The following ABLIM2 variants were observed in gnomAD, a reference collection of about 807,000 sequenced individuals.
ABLIM2 encodes actin-binding LIM protein 2.
A neutral mutation model predicts 97.7 loss-of-function variants in ABLIM2; 53 were observed. The ratio of observed to expected loss-of-function variants is 0.54; its 90% CI spans 0.44 to 0.68. ABLIM2 has a LOEUF of 0.68. Among genes scored for constraint, ABLIM2 ranks in the 30% least tolerant of loss-of-function variants. The pLI is 0.00. For synonymous variants in ABLIM2, 361 were observed against 345.8 expected, an observed-to-expected ratio of 1.04 and a Z score of -0.49; for missense variants, 835 against 867.2, an observed-to-expected ratio of 0.96 and a Z score of 0.47.
chr4:8,100,276 A>C (rs1375613328), intron 2 of ABLIM2, among the ~76,000 whole-genome samples: 1 of 152,186 alleles, frequency 6.6e-6, no homozygotes, highest in Non-Finnish European at 1.5e-5. Flanking sequence ...GGGTACAGTA[A>C]AATGTTGTAA....
At chr4:8,156,133 A>G (rs1342584079) in intron 1 of ABLIM2, among the ~76,000 whole-genome samples, 1 of 152,300 alleles carries the variant, frequency 6.6e-6, no homozygotes, top group East Asian at 1.9e-4. Context: ...GAAGGAGCAC[A>G]GGCCTTGCTC....
intron 20 of ABLIM2, among the ~76,000 whole-genome samples, chr4:7,980,026 G>C (rs1736726085): frequency 6.6e-6 from 1 of 152,188 alleles, no homozygotes; most frequent in African/African-American, 2.4e-5. Flanking sequence ...CTGGGTGCTG[G>C]AGACATAATT....
chr4:8,040,625 GAAA>G, intron 9 of ABLIM2, among the ~76,000 whole-genome samples: 1 of 95,488 alleles, frequency 1.0e-5, no homozygotes, highest in African/African-American at 4.7e-5. Context: ...AAAAAAAAAA[GAAA>G]AGAAAAGAAA....
rs954063218 is a variant in ABLIM2, at chr4:8,085,372, G to C, written c.454+2797C>G. 5.3e-5 allele frequency among the ~76,000 whole-genome samples: 8 copies of C among 152,144 alleles called. No individual in the cohort carries two copies. Among genetic ancestry groups the C allele is most frequent in the Admixed American group, 1.3e-4 (2 of 15,270 alleles). ...GCTCCTCACGGCCTCCAGATGTACC[G>C]AGAACACCACGGCGTGGCTTTGGAG... On this transcript the variant is annotated intron_variant, in intron 4 of 20. Coordinates refer to ENST00000447017, the MANE Select transcript of ABLIM2 (RefSeq NM_001130083.2). The surrounding 1 kb of genome is among the most constrained non-coding windows in gnomAD (Gnocchi z 6.1).
rs558324942 is a variant in ABLIM2, at chr4:8,033,622, G to A, written c.1047+2527C>T. ...GTGCCACTGTTTAGCAGAGCGGGAG[G>A]CCAACCCAGGTCTCCCCAGAGGGAG... On this transcript the variant is annotated intron_variant, in intron 10 of 20. Coordinates refer to ENST00000447017, the MANE Select transcript of ABLIM2 (RefSeq NM_001130083.2). The surrounding 1 kb of genome is among the most constrained non-coding windows in gnomAD (Gnocchi z 4.5). Among the ~76,000 whole-genome samples, 9 of 152,312 alleles carry A rather than the reference G, an allele frequency of 5.9e-5. No homozygotes were observed. Among genetic ancestry groups the A allele is most frequent in the Non-Finnish European group, 1.3e-4 (9 of 68,020 alleles).
intron 8 of ABLIM2, among the ~76,000 whole-genome samples, chr4:8,048,167 G>C (rs1453115428): frequency 6.6e-6 from 1 of 152,222 alleles, no homozygotes; most frequent in Non-Finnish European, 1.5e-5. Flanking sequence ...CGATGGGTGG[G>C]GATGAGTCAG....
In ABLIM2 at chr4:8,075,704, AAAG is replaced by A. The variant is rs1815585593; in HGVS notation, c.675+1921_675+1923del. ...GAGAACCTCTCCAAAAAAAGAAAAA[AAAG>A]AAAACCATTGACTTGTGCCCTTTAA... On this transcript the variant is annotated intron_variant, in intron 6 of 20. Coordinates refer to ENST00000447017, the MANE Select transcript of ABLIM2 (RefSeq NM_001130083.2). The surrounding 1 kb of genome is among the most constrained non-coding windows in gnomAD (Gnocchi z 4.4). Among the ~76,000 whole-genome samples, 1 of 152,204 alleles carries A rather than the reference AAAG, an allele frequency of 6.6e-6. No homozygotes were observed. The highest frequency in any genetic ancestry group is 6.5e-5 in the Admixed American group (1 of 15,274).
At position 7,967,102 on chromosome 4, in the gene ABLIM2, C is replaced by G; in HGVS notation, c.1826G>C (p.Arg609Thr). Residue 609 changes from arginine to threonine, a missense_variant and splice_region_variant, in exon 21 of 21, where the codon AGA (arginine) becomes ACA (threonine). Arg to Thr is a moderately conservative substitution (Grantham distance 71). Coordinates refer to ENST00000447017, the MANE Select transcript of ABLIM2 (RefSeq NM_001130083.2). ...PKDVDRTRLE[R>T]HLSPEEFQEV... ...CTGGAACTCCTCGGGCGACAAGTGT[C>G]TCTTCAAACAAAAAGGCAAAACAGA... 1 of 1,613,356 alleles carries G rather than the reference C, an allele frequency of 6.2e-7. No individual in the cohort carries two copies. Among genetic ancestry groups the G allele is most frequent in the Non-Finnish European group, 8.5e-7 (1 of 1,179,748 alleles).
rs1824806745 is a variant in ABLIM2, at chr4:8,087,938, C to T, written c.454+231G>A. 6.6e-6 allele frequency among the ~76,000 whole-genome samples: 1 copy of T among 151,806 alleles called. No homozygotes were observed. The highest frequency in any genetic ancestry group is 6.5e-5 in the Admixed American group (1 of 15,270). ...CTGCTCTGGGTCCCCGTTTCTCAGG[C>T]TCTGTCCCTGGGCACTGCAGAGACC... On this transcript the variant is annotated intron_variant, in intron 4 of 20. Transcript: ENST00000447017. The surrounding 1 kb of genome is among the most constrained non-coding windows in gnomAD (Gnocchi z 4.6).
intron 1 of ABLIM2, among the ~76,000 whole-genome samples, chr4:8,153,421 G>C (rs552061497): frequency 1.7e-4 from 26 of 152,348 alleles, no homozygotes; most frequent in Admixed American, 1.0e-3. Context: ...CATCACGGAA[G>C]AACAGGGCAG....
rs7660157 is a variant in ABLIM2 at position 8,155,911 on chromosome 4, A to C, written c.10+2769T>G. 1.3e-5 allele frequency among the ~76,000 whole-genome samples: 2 copies of C among 150,958 alleles called. No individual in the cohort carries two copies. The highest frequency in any genetic ancestry group is 2.4e-5 in the African/African-American group (1 of 40,912). On this transcript the variant is annotated intron_variant, in intron 1 of 20. Transcript: ENST00000447017. This position sits in a 1 kb window ranked among gnomAD's most constrained non-coding sequence, Gnocchi z 4.2. ...GGGCGGCCGTCCACAAGCCAAGGAG[A>C]GGGGCTTTGGAAGGAAGTAACCCAG...
rs1366963918 is a variant in ABLIM2, at chr4:8,075,588, G to C, written c.675+2040C>G. 6.6e-6 allele frequency among the ~76,000 whole-genome samples: 1 copy of C among 152,144 alleles called. No homozygotes were observed. The highest frequency in any genetic ancestry group is 2.4e-5 in the African/African-American group (1 of 41,432). Reference sequence around the variant, plus strand: ...CACACCTGTAGTCCCAGCTGGTCGGGAGGCTGAGGTGGAAGGATCACTTAA... The same window carrying C: ...CACACCTGTAGTCCCAGCTGGTCGGCAGGCTGAGGTGGAAGGATCACTTAA... On this transcript the variant is annotated intron_variant, in intron 6 of 20. Transcript: ENST00000447017. This position sits in a 1 kb window ranked among gnomAD's most constrained non-coding sequence, Gnocchi z 4.4.
At position 8,150,939 on chromosome 4, in the gene ABLIM2, T is replaced by C. The variant is rs921152070; in HGVS notation, c.10+7741A>G. On this transcript the variant is annotated intron_variant, in intron 1 of 20. Coordinates refer to ENST00000447017, the MANE Select transcript of ABLIM2 (RefSeq NM_001130083.2). This position sits in a 1 kb window ranked among gnomAD's most constrained non-coding sequence, Gnocchi z 6.3. ...CGACGTCAGGTTTGTCCCTGAGCTG[T>C]GAAGGGTATTTACAGCTGTGACAAA... 1.2e-4 allele frequency among the ~76,000 whole-genome samples: 18 copies of C among 152,080 alleles called. No homozygotes were observed. Among genetic ancestry groups the C allele is most frequent in the Non-Finnish European group, 2.1e-4 (14 of 68,008 alleles).
In ABLIM2 at chr4:8,071,198, C is replaced by T. The variant is rs1811782757; in HGVS notation, c.675+6430G>A. ...ATCCGTCCCCAGCAGCTGGCTCTGC[C>T]ACAGTTGCTGCCAGGCGCCACCCAC... On this transcript the variant is annotated intron_variant, in intron 6 of 20. Transcript: ENST00000447017. This position sits in a 1 kb window ranked among gnomAD's most constrained non-coding sequence, Gnocchi z 6.2. Among the ~76,000 whole-genome samples the T allele has an allele frequency of 1.3e-5, 2 of 152,164 alleles. No homozygotes were observed. Among genetic ancestry groups the T allele is most frequent in the South Asian group, 4.1e-4 (2 of 4,834 alleles).
intron 7 of ABLIM2, among the ~76,000 whole-genome samples, chr4:8,057,747 G>C (rs1273955533): frequency 4.6e-5 from 7 of 152,244 alleles, no homozygotes. Context: ...GGCATTGCGG[G>C]GGTTGGCCTG....
chr4:8,025,747 C>T (rs1776912593), intron 12 of ABLIM2, among the ~76,000 whole-genome samples: 1 of 152,132 alleles, frequency 6.6e-6, no homozygotes, highest in African/African-American at 2.4e-5. Context: ...GGCCACTTCC[C>T]TCTCAGGGAC....
In ABLIM2 at chr4:8,071,928, A is replaced by G. The variant is rs1185435547; in HGVS notation, c.675+5700T>C. 1.0e-6 allele frequency: 1 copy of G among 985,376 alleles called. No homozygotes were observed. Among genetic ancestry groups the G allele is most frequent in the African/African-American group, 1.7e-5 (1 of 57,328 alleles). The allele number at this position is 985,376 out of a possible 1,614,324, so 61.0% of individuals were successfully genotyped here. On this transcript the variant is annotated intron_variant, in intron 6 of 20. Coordinates refer to ENST00000447017, the MANE Select transcript of ABLIM2 (RefSeq NM_001130083.2). The surrounding 1 kb of genome is among the most constrained non-coding windows in gnomAD (Gnocchi z 6.2). ...GGAGTCCACTGTCACCCAGCGGGGC[A>G]CCGGCACACTGGGCCGAGCATCAGG...
At position 8,123,712 on chromosome 4, in the gene ABLIM2, C is replaced by T. The variant is rs575604781; in HGVS notation, c.11-17075G>A. On this transcript the variant is annotated intron_variant, in intron 1 of 20. Coordinates refer to ENST00000447017, the MANE Select transcript of ABLIM2 (RefSeq NM_001130083.2). This position sits in a 1 kb window ranked among gnomAD's most constrained non-coding sequence, Gnocchi z 6.2. ...TCATCCTTGTACTGACAGGGTCCGG[C>T]TCACACACCAAAGCCTGTGGGTCTA... 6.6e-6 allele frequency among the ~76,000 whole-genome samples: 1 copy of T among 152,236 alleles called. No homozygotes were observed. The highest frequency in any genetic ancestry group is 2.4e-5 in the African/African-American group (1 of 41,558).
At chr4:8,134,264 G>A (rs1849857225) in intron 1 of ABLIM2, among the ~76,000 whole-genome samples, 2 of 152,222 alleles carry the variant, frequency 1.3e-5, no homozygotes, top group South Asian at 4.1e-4. Context: ...AGGGCAGGGT[G>A]AGCACAGAGA....
Sources: gnomAD v4.1 joint callset for allele counts (sites outside exome capture counted in the v4.1 genomes callset) on GRCh38, gnomAD v4.1.1 for gene constraint, Gnocchi (gnomAD v3.1) non-coding constraint, MANE v1.5 for transcripts, NCBI Gene and HGNC (gene_info 2026-07-23, HGNC 2026-07-21) for gene names.